Variants in BTBD10 observed in about 807,000 individuals in gnomAD.
BTBD10 encodes BTB/POZ domain-containing protein 10.
A neutral mutation model predicts 53.2 loss-of-function variants in BTBD10; 21 were observed. That is an observed-to-expected ratio of 0.39 (90% CI 0.28 to 0.57). BTBD10 has a LOEUF of 0.57. BTBD10 is among the 20% of genes least tolerant of loss of function. The pLI is 0.53. For synonymous variants in BTBD10, 149 were observed against 192.7 expected, an observed-to-expected ratio of 0.77 and a Z score of 1.88; for missense variants, 360 against 594.7, an observed-to-expected ratio of 0.61 and a Z score of 4.10.
At chr11:13,392,865 C>T (rs1949444226) in intron 8 of BTBD10, among the ~76,000 whole-genome samples, 1 of 152,088 alleles carries the variant, frequency 6.6e-6, no homozygotes, top group African/African-American at 2.4e-5. Flanking sequence ...AAGTCTCAGC[C>T]AATTACTCTG....
chr11:13,399,639 C>G (rs1405419807), intron 8 of BTBD10, among the ~76,000 whole-genome samples: 2 of 152,148 alleles, frequency 1.3e-5, no homozygotes, highest in Non-Finnish European at 2.9e-5. Context: ...TTTAGAGTTT[C>G]CGGTTTTGCT....
chr11:13,453,020 T>A (rs1475225404), intron 1 of BTBD10, among the ~76,000 whole-genome samples: 1 of 152,148 alleles, frequency 6.6e-6, no homozygotes, highest in African/African-American at 2.4e-5. Flanking sequence ...AATACACACA[T>A]ATATACATAA....
chr11:13,390,850 G>A (rs1051487754), intron 8 of BTBD10, among the ~76,000 whole-genome samples: 1 of 152,154 alleles, frequency 6.6e-6, no homozygotes, highest in Admixed American at 6.5e-5. Context: ...TATGTGGTGG[G>A]GGTGAGATAG....
chr11:13,419,990 G>C (rs758265756), intron 3 of BTBD10, among the ~76,000 whole-genome samples: 1 of 152,032 alleles, frequency 6.6e-6, no homozygotes, highest in African/African-American at 2.4e-5. Context: ...ATGTATAGCT[G>C]ACTAATGCTA....
chr11:13,406,743 C>A (rs1949841568), intron 6 of BTBD10, among the ~76,000 whole-genome samples: 1 of 151,778 alleles, frequency 6.6e-6, no homozygotes, highest in East Asian at 1.9e-4. Context: ...TTCCTCCCTA[C>A]AAGATGTCTC....
intron 2 of BTBD10, among the ~76,000 whole-genome samples, chr11:13,428,417 G>A (rs549620136): frequency 1.3e-5 from 2 of 152,128 alleles, no homozygotes; most frequent in Admixed American, 6.5e-5. Flanking sequence ...TGAGAAGATA[G>A]TATTTCCCAA....
At chr11:13,448,252 A>G (rs1243842902) in intron 1 of BTBD10, among the ~76,000 whole-genome samples, 1 of 152,116 alleles carries the variant, frequency 6.6e-6, no homozygotes, top group Non-Finnish European at 1.5e-5. Context: ...TCCCACCTGG[A>G]GCACTTCTAT....
At chr11:13,425,620 G>A (rs1449165508) in intron 2 of BTBD10, among the ~76,000 whole-genome samples, 2 of 152,020 alleles carry the variant, frequency 1.3e-5, no homozygotes, top group African/African-American at 2.4e-5. Flanking sequence ...AGCTTCCAGA[G>A]ATAAAAATGT....
rs901495407 is a variant in BTBD10 at position 13,440,128 on chromosome 11, C to T, written c.101+4896G>A. On this transcript the variant is annotated intron_variant, in intron 2 of 8. Transcript: ENST00000278174. ...CCATAGACTTCCTTTAGCTTCCTCC[C>T]TCTACTGTGTAATAATGCTGTTGCA... 3.3e-6 allele frequency: 5 copies of T among 1,510,382 alleles called. No homozygotes were observed. In the East Asian group the frequency reaches 1.3e-4, roughly 38 times the overall value. The allele number at this position is 1,510,382 out of a possible 1,614,324, so 93.6% of individuals were successfully genotyped here. A position where few individuals can be genotyped will look rare whatever the true frequency, so the allele number is the denominator to read the frequency against.
chr11:13,412,013 TAGAGA>T (rs1253930047), intron 6 of BTBD10, among the ~76,000 whole-genome samples: 1 of 152,062 alleles, frequency 6.6e-6, no homozygotes, highest in African/African-American at 2.4e-5. Flanking sequence ...GTATTTTTAG[TAGAGA>T]AGAGGTTTCT....
intron 6 of BTBD10, among the ~76,000 whole-genome samples, chr11:13,406,066 C>G (rs1949818629): frequency 1.3e-5 from 2 of 152,066 alleles, no homozygotes. Context: ...TTTCACTATA[C>G]CATATTATCT....
intron 8 of BTBD10, among the ~76,000 whole-genome samples, chr11:13,397,275 T>C (rs1159269823): frequency 6.6e-6 from 1 of 152,158 alleles, no homozygotes; most frequent in African/African-American, 2.4e-5. Flanking sequence ...CTTGGGAGAG[T>C]GTATGTGTCC....
chr11:13,402,616 T>C (rs549118769), intron 8 of BTBD10, among the ~76,000 whole-genome samples: 1 of 152,264 alleles, frequency 6.6e-6, no homozygotes, highest in Non-Finnish European at 1.5e-5. Flanking sequence ...TGATAAAACA[T>C]TACAGAAAAA....
chr11:13,447,100 C>T (rs974775169), intron 1 of BTBD10, among the ~76,000 whole-genome samples: 1 of 152,136 alleles, frequency 6.6e-6, no homozygotes, highest in Middle Eastern at 3.2e-3. Context: ...TAAACTATTT[C>T]AGGGATTAAC....
intron 3 of BTBD10, 60 bp from the exon 4 acceptor site, chr11:13,419,805 A>G: frequency 7.5e-7 from 1 of 1,339,728 alleles, no homozygotes; most frequent in Non-Finnish European, 1.0e-6. Context: ...CAAGATTTAT[A>G]TATATCTTTT....
At chr11:13,408,828 C>A (rs1419548625) in intron 6 of BTBD10, among the ~76,000 whole-genome samples, 3 of 152,188 alleles carry the variant, frequency 2.0e-5, no homozygotes, top group African/African-American at 7.2e-5. Context: ...CAGTGGCTTC[C>A]TAATTGATCT....
At chr11:13,417,381 CATT>C (rs1950139833) in intron 4 of BTBD10, 121 bp from the exon 5 acceptor site, 2 of 651,322 alleles carry the variant, frequency 3.1e-6, no homozygotes, top group Non-Finnish European at 4.9e-6. Context: ...GAATTTTTAT[CATT>C]AATTTATTCT....
Position 13,389,145 on chromosome 11 carries a change from AAAG to A in BTBD10, c.1118-7_1118-5del. 8.1e-7 allele frequency: 1 copy of A among 1,239,204 alleles called. No homozygotes were observed. Among genetic ancestry groups the A allele is most frequent in the Non-Finnish European group, 1.1e-6 (1 of 888,206 alleles). The allele number at this position is 1,239,204 out of a possible 1,614,324, so 76.8% of individuals were successfully genotyped here. Reference sequence around the variant, plus strand: ...TTTTCTTTGTAGGTAGGATAACCTGAAAGAAAGAAAGATTTTAAAAACTGAGGA... The same window carrying A: ...TTTTCTTTGTAGGTAGGATAACCTGAAAAGAAAGATTTTAAAAACTGAGGA... On this transcript the variant is annotated splice_region_variant and splice_polypyrimidine_tract_variant and intron_variant, in intron 8 of 8. Coordinates refer to ENST00000278174, the MANE Select transcript of BTBD10 (RefSeq NM_032320.7).
At chr11:13,418,389 T>G (rs1185067925) in intron 4 of BTBD10, among the ~76,000 whole-genome samples, 2 of 152,204 alleles carry the variant, frequency 1.3e-5, no homozygotes, top group East Asian at 3.9e-4. Context: ...ATGAACACTT[T>G]AAAACGTTTT....
Sources: gnomAD v4.1 joint callset for allele counts (sites outside exome capture counted in the v4.1 genomes callset) on GRCh38, gnomAD v4.1.1 for gene constraint, MANE v1.5 for transcripts, NCBI Gene and HGNC (gene_info 2026-07-23, HGNC 2026-07-21) for gene names.